Variants in SUPT20H observed in about 807,000 individuals in gnomAD.
SUPT20H encodes transcription factor SPT20 homolog.
A neutral mutation model predicts 122.8 loss-of-function variants in SUPT20H; 82 were observed. The observed-to-expected ratio is 0.67, with a 90% CI of 0.56 to 0.80. The LOEUF (loss-of-function observed/expected upper bound fraction) is 0.80, where lower values mean the gene tolerates loss of function less well. Among genes scored for constraint, SUPT20H ranks in the 30% least tolerant of loss-of-function variants. The pLI, the probability that SUPT20H is intolerant of heterozygous loss-of-function variation, is 0.00. For missense variants in SUPT20H, 831 were observed against 921.6 expected, an observed-to-expected ratio of 0.90 and a Z score of 1.27; for synonymous variants, 291 against 313.0, an observed-to-expected ratio of 0.93 and a Z score of 0.74.
intron 7 of SUPT20H, among the ~76,000 whole-genome samples, chr13:37,042,897 A>C (rs1043583402): frequency 1.3e-5 from 2 of 152,228 alleles, no homozygotes; most frequent in African/African-American, 4.8e-5. Flanking sequence ...GAAGTGCTTC[A>C]GACCAGAAGC....
intron 5 of SUPT20H, among the ~76,000 whole-genome samples, 160 bp from the exon 6 acceptor site, chr13:37,045,533 G>A (rs1208962085): frequency 1.3e-5 from 2 of 152,076 alleles, no homozygotes; most frequent in Admixed American, 6.5e-5. Context: ...TAGCCACTAC[G>A]TATGGGACAG....
chr13:37,047,934 A>T lies in SUPT20H; in HGVS notation c.42T>A (p.Tyr14Ter). The T allele has an allele frequency of 6.2e-7, 1 of 1,601,648 alleles. No homozygotes were observed. The highest frequency in any genetic ancestry group is 8.5e-7 in the Non-Finnish European group (1 of 1,174,052). ...ALELALDRAE[Y>*]VIESARQRPP... ...GTCTCTGTCGGGCACTTTCAATGAC[A>T]TACTAAAAAACAAAAGTTTATGAGA... The change falls in exon 4 of 26, where the codon TAT becomes TAA. Residue 14 changes from tyrosine (Y) to a stop codon, truncating the protein, a stop_gained and splice_region_variant. Transcript: ENST00000350612. LOFTEE classifies it high-confidence loss of function.
intron 12 of SUPT20H, among the ~76,000 whole-genome samples, chr13:37,031,189 C>T (rs1566218976): frequency 6.6e-6 from 1 of 151,794 alleles, no homozygotes; most frequent in East Asian, 1.9e-4. Context: ...TCAAATTTAA[C>T]CAGTTTGAGT....
At chr13:37,036,327 G>GTTTTTT (rs35437054) in intron 9 of SUPT20H, among the ~76,000 whole-genome samples, 1 of 126,278 alleles carries the variant, frequency 7.9e-6, no homozygotes, top group Non-Finnish European at 1.8e-5. Context: ...TTAAACTGGA[G>GTTTTTT]TTTTTTTTTT....
intron 1 of SUPT20H, among the ~76,000 whole-genome samples, chr13:37,059,017 T>C (rs2069954573): frequency 1.3e-5 from 2 of 152,186 alleles, no homozygotes; most frequent in Non-Finnish European, 2.9e-5. Flanking sequence ...CTACGGGAGA[T>C]GGCTTCCAGG....
At chr13:37,051,631 A>G (rs2067707928) in intron 1 of SUPT20H, 48 bp from the exon 2 acceptor site, 1 of 478,272 alleles carries the variant, frequency 2.1e-6, no homozygotes, top group Non-Finnish European at 3.6e-6. Context: ...AAGGCTATTA[A>G]GAGAAAAAAA....
At chr13:37,025,581 CTT>C (rs1461033878) in intron 16 of SUPT20H, 144 bp from the exon 17 acceptor site, 2 of 594,824 alleles carry the variant, frequency 3.4e-6, no homozygotes, top group Admixed American at 3.2e-5. Context: ...GGCAATTTAT[CTT>C]TGTATTAAAA....
chr13:37,023,914 T>C (rs921263073), intron 19 of SUPT20H, 121 bp downstream of exon 19: 25 of 958,748 alleles, frequency 2.6e-5, no homozygotes, highest in African/African-American at 5.0e-5. Flanking sequence ...TAGCAACTTA[T>C]ACATTTTGGG....
At chr13:37,010,903 C>T (rs2059498604) in intron 24 of SUPT20H, 1 of 334,676 alleles carries the variant, frequency 3.0e-6, no homozygotes, top group Non-Finnish European at 5.6e-6. Context: ...CACTGAACCT[C>T]TCTTCTCTTG....
chr13:37,026,450 T>C (rs749082618), intron 15 of SUPT20H, among the ~76,000 whole-genome samples: 1 of 152,150 alleles, frequency 6.6e-6, no homozygotes, highest in African/African-American at 2.4e-5. Flanking sequence ...GTGAATAATT[T>C]GGTTGATTTA....
At chr13:37,015,058 T>G (rs917249050) in intron 23 of SUPT20H, among the ~76,000 whole-genome samples, 1 of 151,766 alleles carries the variant, frequency 6.6e-6, no homozygotes, top group African/African-American at 2.4e-5. Context: ...TAGAGAACAT[T>G]TATAAGAAAA....
Position 37,040,314 on chromosome 13 carries a change from TAA to T in SUPT20H, c.567+89_567+90del, listed in dbSNP as rs577310409. The T allele has an allele frequency of 4.8e-4, 552 of 1,156,828 alleles. 9 individuals carry two copies. The East Asian group carries it at 0.013, about 28-fold the overall frequency. 71.7% of individuals were successfully genotyped at this position (1,156,828 alleles called of 1,614,324 possible). A position where few individuals can be genotyped will look rare whatever the true frequency, so the allele number is the denominator to read the frequency against. On this transcript the variant is annotated intron_variant, in intron 9 of 25. Transcript: ENST00000350612. ...TAAAGCATCAAACTTAATTATTGAATAAAAATAAGCAGAAAATCACTTTTGCT... is the reference window on the plus strand; with the variant it reads ...TAAAGCATCAAACTTAATTATTGAATAAATAAGCAGAAAATCACTTTTGCT...
rs1020919798 is a variant in SUPT20H at position 37,051,860 on chromosome 13, GA to G, written c.-93-278del. Among the ~76,000 whole-genome samples, 259 of 151,904 alleles carry G rather than the reference GA, an allele frequency of 1.7e-3. 2 individuals are homozygous for G. Among genetic ancestry groups the G allele is most frequent in the African/African-American group, 5.9e-3 (243 of 41,472 alleles). Reference sequence around the variant, plus strand: ...CAAAAATACTTAACATCTCCAGAGAGAAAAAAAATACATTTTTTAAAATCTC... The same window carrying G: ...CAAAAATACTTAACATCTCCAGAGAGAAAAAAATACATTTTTTAAAATCTC... On this transcript the variant is annotated intron_variant, in intron 1 of 25. Coordinates refer to ENST00000350612, the MANE Select transcript of SUPT20H (RefSeq NM_001014286.3).
At chr13:37,021,956 A>G in intron 20 of SUPT20H, 55 bp downstream of exon 20, 1 of 1,499,090 alleles carries the variant, frequency 6.7e-7, no homozygotes, top group Non-Finnish European at 8.9e-7. Context: ...GAATTTATTT[A>G]GATTGGTGAA....
chr13:37,053,576 G>A (rs573173836), intron 1 of SUPT20H, among the ~76,000 whole-genome samples: 35 of 152,028 alleles, frequency 2.3e-4, no homozygotes, highest in Middle Eastern at 3.4e-3. Flanking sequence ...TAACACATGC[G>A]GGGCTTAAAA....
At position 37,033,607 on chromosome 13, in the gene SUPT20H, T is replaced by C; in HGVS notation, c.568-19A>G. The C allele has an allele frequency of 6.2e-7, 1 of 1,609,690 alleles. No homozygotes were observed. ...TGTCTTCCTGAAATGTGTAAGAGCA[T>C]ATGTCAATACCAGATTTAAGATTTT... is the stretch of plus-strand genomic sequence containing the variant. On this transcript the variant is annotated intron_variant, in intron 9 of 25. Transcript: ENST00000350612.
At chr13:37,045,529 C>T (rs1268344503) in intron 5 of SUPT20H, among the ~76,000 whole-genome samples, 156 bp from the exon 6 acceptor site, 1 of 152,156 alleles carries the variant, frequency 6.6e-6, no homozygotes, top group African/African-American at 2.4e-5. Flanking sequence ...ACTATAGCCA[C>T]TACGTATGGG....
chr13:37,028,367 T>A, intron 13 of SUPT20H, 62 bp from the exon 14 acceptor site: 1 of 1,465,256 alleles, frequency 6.8e-7, no homozygotes, highest in Non-Finnish European at 9.3e-7. Flanking sequence ...TAAGAATTAG[T>A]AAAAATCAGG....
intron 9 of SUPT20H, among the ~76,000 whole-genome samples, chr13:37,033,845 G>A (rs1233404125): frequency 1.3e-5 from 2 of 152,174 alleles, no homozygotes; most frequent in African/African-American, 4.8e-5. Context: ...ACATATTGAA[G>A]ATCTGTGGCA....
Sources: allele counts gnomAD v4.1 joint callset (sites outside exome capture counted in the v4.1 genomes callset), GRCh38; gene constraint gnomAD v4.1.1; transcripts MANE v1.5; gene names NCBI Gene and HGNC (gene_info 2026-07-23, HGNC 2026-07-21).